SLIT2: variants seen among roughly 807,000 people sequenced by gnomAD.
SLIT2 encodes slit homolog 2 protein.
SLIT2 carries 41 observed loss-of-function variants against 185.7 expected under a neutral mutation model. The ratio of observed to expected loss-of-function variants is 0.22; its 90% CI spans 0.17 to 0.29. The LOEUF (loss-of-function observed/expected upper bound fraction) is 0.29, where lower values mean the gene tolerates loss of function less well. Ranked by LOEUF, SLIT2 falls within the 10% of genes least tolerant of loss-of-function variation. The probability of loss-of-function intolerance (pLI) is 1.00; values close to 1 mark genes in which losing one functional copy is unlikely to be tolerated. For synonymous variants in SLIT2, 693 were observed against 680.2 expected (o/e 1.02, Z -0.29); for missense variants, 1,571 against 1,909.0 (o/e 0.82, Z 3.30).
At chr4:20,466,839 T>TC (rs1249551774) in intron 4 of SLIT2, among the ~76,000 whole-genome samples, 1 of 152,220 alleles carries the variant, frequency 6.6e-6, no homozygotes, top group Non-Finnish European at 1.5e-5. Context: ...CATTGTTGCT[T>TC]TAATAATTTA....
Position 20,352,369 on chromosome 4 carries a change from G to A in SLIT2, c.395+83488G>A, listed in dbSNP as rs181737794. Among the ~76,000 whole-genome samples, 418 of 151,926 alleles carry A rather than the reference G, an allele frequency of 2.8e-3. 5 individuals are homozygous for A. The highest frequency in any genetic ancestry group is 9.6e-3 in the African/African-American group (399 of 41,450). On this transcript the variant is annotated intron_variant, in intron 4 of 36. Coordinates refer to ENST00000504154, the MANE Select transcript of SLIT2 (RefSeq NM_004787.4). ...TGTTTTAACTGATATTTTGTCATCA[G>A]TTCTCTGATGTTTATCAAGAGTTAA...
chr4:20,390,728 CATT>C (rs1725342684), intron 4 of SLIT2, among the ~76,000 whole-genome samples: 1 of 149,798 alleles, frequency 6.7e-6, no homozygotes, highest in Non-Finnish European at 1.5e-5. Flanking sequence ...TTTTCAAAGT[CATT>C]ATTTTCAACA....
At chr4:20,373,924 C>T (rs1461762202) in intron 4 of SLIT2, among the ~76,000 whole-genome samples, 3 of 152,014 alleles carry the variant, frequency 2.0e-5, no homozygotes, top group Non-Finnish European at 4.4e-5. Flanking sequence ...GAACAATGAG[C>T]AGCTTATAGA....
chr4:20,534,495 A>G (rs961955599), intron 18 of SLIT2, among the ~76,000 whole-genome samples: 7 of 152,234 alleles, frequency 4.6e-5, no homozygotes, highest in African/African-American at 1.7e-4. Flanking sequence ...GTGGCATACA[A>G]ACACGCATAT....
At chr4:20,332,870 A>G (rs1577448820) in intron 4 of SLIT2, among the ~76,000 whole-genome samples, 1 of 152,134 alleles carries the variant, frequency 6.6e-6, no homozygotes, top group Admixed American at 6.6e-5. Flanking sequence ...TGGACGTGGC[A>G]TAAGTTTTTA....
intron 7 of SLIT2, among the ~76,000 whole-genome samples, chr4:20,487,459 T>G (rs1214761633): frequency 6.6e-6 from 1 of 152,222 alleles, no homozygotes; most frequent in Non-Finnish European, 1.5e-5. Context: ...TTTTTGACAG[T>G]GTCCCTTATT....
intron 4 of SLIT2, among the ~76,000 whole-genome samples, chr4:20,309,606 G>T (rs1717893661): frequency 6.6e-6 from 1 of 151,758 alleles, no homozygotes; most frequent in Non-Finnish European, 1.5e-5. Context: ...CCTCTCTCTA[G>T]CTAGACATCT....
chr4:20,326,667 T>G (rs1207383696), intron 4 of SLIT2, among the ~76,000 whole-genome samples: 2 of 151,780 alleles, frequency 1.3e-5, no homozygotes, highest in Non-Finnish European at 2.9e-5. Context: ...TTATTCTGAG[T>G]CTTCTTGGAA....
At chr4:20,340,535 C>T (rs1720874702) in intron 4 of SLIT2, among the ~76,000 whole-genome samples, 1 of 152,148 alleles carries the variant, frequency 6.6e-6, no homozygotes, top group African/African-American at 2.4e-5. Flanking sequence ...GATACCTGCC[C>T]TCATAGAGTT....
At chr4:20,436,429 A>G (rs1729347045) in intron 4 of SLIT2, among the ~76,000 whole-genome samples, 1 of 152,212 alleles carries the variant, frequency 6.6e-6, no homozygotes, top group Non-Finnish European at 1.5e-5. Flanking sequence ...TGTTTTCCGG[A>G]ATTTCCTAGA....
At chr4:20,383,990 T>C (rs1209095830) in intron 4 of SLIT2, among the ~76,000 whole-genome samples, 1 of 151,936 alleles carries the variant, frequency 6.6e-6, no homozygotes, top group Non-Finnish European at 1.5e-5. Flanking sequence ...ACTGGCATGA[T>C]CCATCACACC....
At chr4:20,556,992 C>CT (rs1724314217) in intron 26 of SLIT2, among the ~76,000 whole-genome samples, 1 of 152,010 alleles carries the variant, frequency 6.6e-6, no homozygotes. Context: ...AAAACCCTAA[C>CT]CTAAAGCAAG....
intron 29 of SLIT2, among the ~76,000 whole-genome samples, chr4:20,587,470 G>A (rs1025736433): frequency 7.9e-5 from 12 of 152,160 alleles, no homozygotes; most frequent in Non-Finnish European, 1.6e-4. Flanking sequence ...TGACATTGAT[G>A]TAGTTTTTTA....
At chr4:20,387,755 C>T (rs1397053636) in intron 4 of SLIT2, among the ~76,000 whole-genome samples, 5 of 152,118 alleles carry the variant, frequency 3.3e-5, no homozygotes, top group African/African-American at 4.8e-5. Flanking sequence ...CAATGAAGAC[C>T]TCCATCCTAG....
At chr4:20,596,725 G>T (rs575651314) in intron 32 of SLIT2, 70 bp downstream of exon 32, 1 of 1,474,956 alleles carries the variant, frequency 6.8e-7, no homozygotes, top group Non-Finnish European at 9.2e-7. Context: ...AACATTTGTG[G>T]TAGCTTCTGA....
At chr4:20,362,352 C>A (rs1258365810) in intron 4 of SLIT2, among the ~76,000 whole-genome samples, 1 of 152,026 alleles carries the variant, frequency 6.6e-6, no homozygotes, top group Non-Finnish European at 1.5e-5. Context: ...CTCAAGGGAA[C>A]CTGACAAGGA....
intron 4 of SLIT2, among the ~76,000 whole-genome samples, chr4:20,460,376 A>G (rs1157033049): frequency 6.6e-6 from 1 of 152,224 alleles, no homozygotes; most frequent in East Asian, 1.9e-4. Flanking sequence ...ATAAATTTGT[A>G]GATATTCATT....
chr4:20,577,780 G>T (rs1328930543), intron 29 of SLIT2, among the ~76,000 whole-genome samples: 1 of 152,124 alleles, frequency 6.6e-6, no homozygotes, highest in Non-Finnish European at 1.5e-5. Context: ...TATAAATAAA[G>T]AACAAATGGG....
At chr4:20,288,134 GT>G (rs1560285593) in intron 4 of SLIT2, among the ~76,000 whole-genome samples, 1 of 152,114 alleles carries the variant, frequency 6.6e-6, no homozygotes. Flanking sequence ...ATGCCATCAC[GT>G]TTATTATGGA....
Sources: allele counts gnomAD v4.1 joint callset (sites outside exome capture counted in the v4.1 genomes callset), GRCh38; gene constraint gnomAD v4.1.1; transcripts MANE v1.5; gene names NCBI Gene and HGNC (gene_info 2026-07-23, HGNC 2026-07-21).